The following KCNK2 variants were observed in gnomAD, a reference collection of about 807,000 sequenced individuals.
KCNK2 encodes the protein potassium two pore domain channel subfamily K member 2.
KCNK2 carries 21 observed loss-of-function variants against 40.5 expected under a neutral mutation model. That is an observed-to-expected ratio of 0.52 (90% CI 0.37 to 0.75). The LOEUF is 0.75. KCNK2 is among the 30% of genes least tolerant of loss of function. The pLI is 0.00. For synonymous variants in KCNK2, 191 were observed against 202.2 expected, an observed-to-expected ratio of 0.94 and a Z score of 0.47; for missense variants, 399 against 531.6, an observed-to-expected ratio of 0.75 and a Z score of 2.45.
rs1389565060 is a variant in KCNK2, at chr1:215,169,314, C to A, written c.591C>A (p.Gly197=). The A allele has an allele frequency of 6.2e-7, 1 of 1,612,946 alleles. No homozygotes were observed. The highest frequency in any genetic ancestry group is 8.5e-7 in the Non-Finnish European group (1 of 1,179,388). Residue 197 remains glycine, a synonymous_variant, in exon 4 of 7, where the codon GGC becomes GGA. Coordinates refer to ENST00000444842, the MANE Select transcript of KCNK2 (RefSeq NM_001017425.3). ...TGGCTGGAGTTGGAGATCAGCTAGGCACCATATTTGGAAAAGGAATTGCCA... is the reference window on the plus strand; with the variant it reads ...TGGCTGGAGTTGGAGATCAGCTAGGAACCATATTTGGAAAAGGAATTGCCA... ...FLLAGVGDQL[G]TIFGKGIAKV...
rs1245980666 is a variant in KCNK2 at position 215,006,553 on chromosome 1, A to C, written c.34+598A>C. ...AGTAGTTTTATTTGAAATTATTTAG[A>C]TGTCTCTATGTGAGACTTCTCACTT... On this transcript the variant is annotated intron_variant, in intron 1 of 6. Transcript: ENST00000391895. Among the ~76,000 whole-genome samples the C allele has an allele frequency of 2.6e-5, 4 of 152,232 alleles. No homozygotes were observed. In the East Asian group the frequency reaches 7.7e-4, roughly 29 times the overall value.
At chr1:215,053,754 G>T (rs1403006221) in intron 1 of KCNK2, among the ~76,000 whole-genome samples, 2 of 152,138 alleles carry the variant, frequency 1.3e-5, no homozygotes, top group Non-Finnish European at 2.9e-5. Flanking sequence ...ATCACTTAAG[G>T]CCAGGAGTTC....
intron 1 of KCNK2, among the ~76,000 whole-genome samples, chr1:215,011,752 C>T (rs189086936): frequency 2.6e-5 from 4 of 152,210 alleles, no homozygotes; most frequent in Non-Finnish European, 5.9e-5. Flanking sequence ...ACTACAGGCG[C>T]GTGCTACCAC....
intron 6 of KCNK2, among the ~76,000 whole-genome samples, chr1:215,216,486 A>G (rs1297435031): frequency 6.7e-6 from 1 of 148,638 alleles, no homozygotes; most frequent in Non-Finnish European, 1.5e-5. Context: ...GTATTTTTAT[A>G]CATAATACTA....
At chr1:215,105,556 T>G (rs1172510159) in intron 2 of KCNK2, among the ~76,000 whole-genome samples, 3 of 152,128 alleles carry the variant, frequency 2.0e-5, no homozygotes, top group African/African-American at 7.2e-5. Context: ...TTGAATGTCC[T>G]GTTTTCAATT....
At chr1:215,133,049 T>A (rs144491190) in intron 3 of KCNK2, among the ~76,000 whole-genome samples, 1 of 152,196 alleles carries the variant, frequency 6.6e-6, no homozygotes. Flanking sequence ...TTTTTTTGTT[T>A]GTTTTTGGTA....
chr1:215,037,120 A>G (rs1330542767), intron 1 of KCNK2, among the ~76,000 whole-genome samples: 2 of 150,682 alleles, frequency 1.3e-5, no homozygotes, highest in African/African-American at 4.9e-5. Flanking sequence ...TTATTATTCA[A>G]TATTTCATTA....
intron 5 of KCNK2, among the ~76,000 whole-genome samples, chr1:215,177,740 A>ATATATATTTTTT (rs71167812): frequency 1.3e-3 from 133 of 101,568 alleles, no homozygotes; most frequent in African/African-American, 4.1e-3. Flanking sequence ...ATATATATAT[A>ATATATATTTTTT]TTTTTTTTTT....
chr1:215,197,815 C>A (rs1210747055), intron 6 of KCNK2, among the ~76,000 whole-genome samples: 2 of 152,172 alleles, frequency 1.3e-5, no homozygotes, highest in African/African-American at 4.8e-5. Context: ...GTCTAGCCAA[C>A]ATGGTGAAAC....
intron 2 of KCNK2, among the ~76,000 whole-genome samples, chr1:215,109,524 A>G (rs1450442787): frequency 1.3e-5 from 2 of 152,040 alleles, no homozygotes; most frequent in Non-Finnish European, 2.9e-5. Flanking sequence ...CCGTGTTGCT[A>G]CAAGTGACAT....
intron 2 of KCNK2, among the ~76,000 whole-genome samples, chr1:215,112,928 C>G (rs1051346765): frequency 3.9e-5 from 6 of 152,142 alleles, no homozygotes; most frequent in Non-Finnish European, 8.8e-5. Context: ...TCACATTTCT[C>G]ACTATCGCAA....
At chr1:215,050,515 G>A (rs940282805) in intron 1 of KCNK2, among the ~76,000 whole-genome samples, 1 of 152,060 alleles carries the variant, frequency 6.6e-6, no homozygotes, top group African/African-American at 2.4e-5. Flanking sequence ...TCATATTTTA[G>A]TAGAGGAACA....
At chr1:215,116,652 G>A (rs1354596656) in intron 2 of KCNK2, among the ~76,000 whole-genome samples, 1 of 152,080 alleles carries the variant, frequency 6.6e-6, no homozygotes, top group African/African-American at 2.4e-5. Flanking sequence ...ATATCAGAAG[G>A]TAAGCAAGAT....
Position 215,025,382 on chromosome 1 carries a change from C to G in KCNK2, c.34+19427C>G, listed in dbSNP as rs1432992590. On this transcript the variant is annotated intron_variant, in intron 1 of 6. Coordinates refer to the KCNK2 transcript ENST00000391895. ...TTATAAGGCTTTCTTTTCAGTATAA[C>G]ATTTTCTTTCCTTTTTCTGTTTCCT... Among the ~76,000 whole-genome samples, 3 of 151,904 alleles carry G rather than the reference C, an allele frequency of 2.0e-5. No homozygotes were observed. The East Asian group carries it at 5.8e-4, about 29-fold the overall frequency.
intron 1 of KCNK2, among the ~76,000 whole-genome samples, chr1:215,007,027 A>ATGTGTGTGTGTGTGTGTG (rs1398954474): frequency 5.2e-4 from 29 of 56,126 alleles, no homozygotes; most frequent in African/African-American, 1.6e-3. Flanking sequence ...ATATATATAT[A>ATGTGTGTGTGTGTGTGTG]TATATATATA....
At position 215,083,194 on chromosome 1, in the gene KCNK2, TC is replaced by T. The variant is rs201482650; in HGVS notation, c.-183del. 59,152 of 499,998 alleles carry T rather than the reference TC, an allele frequency of 0.12. 6,222 individuals carry two copies. The highest frequency in any genetic ancestry group is 0.26 in the South Asian group (12,654 of 48,988). The allele number at this position is 499,998 out of a possible 1,614,324, so 31.0% of individuals were successfully genotyped here. Reference sequence around the variant, plus strand: ...CCCGCGATTTCGTTTCTTCTCACGCTCCCCCCCCCGCCCCCTCCCGCGTCCA... The same window carrying T: ...CCCGCGATTTCGTTTCTTCTCACGCTCCCCCCCCGCCCCCTCCCGCGTCCA... On this transcript the variant is annotated 5_prime_UTR_variant, in exon 1 of 7. Transcript: ENST00000444842.
chr1:215,113,619 C>T (rs1037832552), intron 2 of KCNK2, among the ~76,000 whole-genome samples: 2 of 152,124 alleles, frequency 1.3e-5, no homozygotes, highest in Non-Finnish European at 2.9e-5. Flanking sequence ...TTTTTTGAGA[C>T]AGAGTCTTGT....
rs1419779561 is a variant in KCNK2, at chr1:215,169,182, A to G, written c.476-17A>G. On this transcript the variant is annotated splice_polypyrimidine_tract_variant and intron_variant, in intron 3 of 6. Transcript: ENST00000444842. ...AACAACTATTATTCATTTGTAAACA[A>G]TGTAATTTTTTTAAAGGATTTGGAA... 1 of 1,583,128 alleles carries G rather than the reference A, an allele frequency of 6.3e-7. No homozygotes were observed. The highest frequency in any genetic ancestry group is 8.6e-7 in the Non-Finnish European group (1 of 1,165,308).
chr1:215,102,469 A>C (rs1439396543), intron 2 of KCNK2, among the ~76,000 whole-genome samples: 1 of 152,106 alleles, frequency 6.6e-6, no homozygotes, highest in Non-Finnish European at 1.5e-5. Flanking sequence ...AATGTTAAAA[A>C]AAATTTTAAA....
Sources: allele counts gnomAD v4.1 joint callset (sites outside exome capture counted in the v4.1 genomes callset), GRCh38; gene constraint gnomAD v4.1.1; transcripts MANE v1.5; gene names NCBI Gene and HGNC (gene_info 2026-07-23, HGNC 2026-07-21).